The following RHBDD1 variants were observed in gnomAD, a reference collection of about 807,000 sequenced individuals.
The protein encoded by RHBDD1 is rhomboid domain containing 1.
RHBDD1 carries 38 observed loss-of-function variants against 36.3 expected under a neutral mutation model. That is an observed-to-expected ratio of 1.05 (90% CI 0.81 to 1.37). The LOEUF (loss-of-function observed/expected upper bound fraction) is 1.37. Among genes scored for constraint, RHBDD1 ranks in the 40% most tolerant of loss-of-function variants. The pLI is 0.00. For synonymous variants in RHBDD1, 151 were observed against 136.5 expected, an observed-to-expected ratio of 1.11 and a Z score of -0.74; for missense variants, 393 against 377.6, an observed-to-expected ratio of 1.04 and a Z score of -0.34.
At chr2:226,954,623 G>C (rs781375963) in intron 8 of RHBDD1, among the ~76,000 whole-genome samples, 3 of 152,122 alleles carry the variant, frequency 2.0e-5, no homozygotes, top group Non-Finnish European at 4.4e-5. Context: ...GAAAAAGAGA[G>C]AAAGAGACGG....
intron 5 of RHBDD1, among the ~76,000 whole-genome samples, chr2:226,903,048 T>C (rs1055337591): frequency 6.6e-6 from 1 of 152,198 alleles, no homozygotes; most frequent in Non-Finnish European, 1.5e-5. Context: ...TATTATTATA[T>C]TCTTTTCATC....
At chr2:226,975,016 G>A (rs572532280) in intron 8 of RHBDD1, among the ~76,000 whole-genome samples, 2 of 152,276 alleles carry the variant, frequency 1.3e-5, no homozygotes, top group East Asian at 1.9e-4. Context: ...TCCTTGGTAC[G>A]TGGAGAGAAC....
chr2:226,968,038 A>G (rs1213866726), intron 8 of RHBDD1, among the ~76,000 whole-genome samples: 2 of 152,148 alleles, frequency 1.3e-5, no homozygotes, highest in Non-Finnish European at 2.9e-5. Context: ...AGGAGGGTGA[A>G]ACACCCTCTG....
the RHBDD1 span, among the ~76,000 whole-genome samples, chr2:226,810,628 A>G: frequency 2.0e-5 from 3 of 150,862 alleles, no homozygotes; most frequent in Admixed American, 6.6e-5. Flanking sequence ...GTGAAAGTGG[A>G]GCATCCTAAA....
chr2:226,817,951 G>A, the RHBDD1 span, among the ~76,000 whole-genome samples: 3 of 152,128 alleles, frequency 2.0e-5, no homozygotes, highest in East Asian at 1.9e-4. Context: ...GGTCTTTCCT[G>A]TTTGTATTGG....
chr2:226,887,697 A>G (rs1946347482), intron 5 of RHBDD1, among the ~76,000 whole-genome samples: 1 of 152,216 alleles, frequency 6.6e-6, no homozygotes, highest in Non-Finnish European at 1.5e-5. Context: ...GTATTTTAAA[A>G]ACTGTCAGGT....
intron 8 of RHBDD1, among the ~76,000 whole-genome samples, chr2:226,992,856 G>A (rs1958567379): frequency 6.6e-6 from 1 of 152,182 alleles, no homozygotes; most frequent in African/African-American, 2.4e-5. Flanking sequence ...TGCTAGCTCA[G>A]TGACCTCAGA....
chr2:226,802,302 T>C, the RHBDD1 span, among the ~76,000 whole-genome samples: 1 of 152,232 alleles, frequency 6.6e-6, no homozygotes, highest in African/African-American at 2.4e-5. Flanking sequence ...CAAATTATGT[T>C]CAGACCAATG....
Position 226,998,150 on chromosome 2 carries a change from T to C in RHBDD1, c.*2628T>C, listed in dbSNP as rs530828842. On this transcript the variant is annotated 3_prime_UTR_variant, in exon 9 of 9. Coordinates refer to ENST00000392062, the MANE Select transcript of RHBDD1 (RefSeq NM_001167608.3). Reference sequence around the variant, plus strand: ...AAGCGACCTTTTAATGCAGAATCTTTACTTGGTTCTGAAGAGGAGGCAGTA... The same window carrying C: ...AAGCGACCTTTTAATGCAGAATCTTCACTTGGTTCTGAAGAGGAGGCAGTA... 1 of 152,358 alleles carries C rather than the reference T, an allele frequency of 6.6e-6. No homozygotes were observed. The highest frequency in any genetic ancestry group is 2.1e-4 in the South Asian group (1 of 4,828). 9.4% of individuals were successfully genotyped at this position (152,358 alleles called of 1,614,324 possible). A position where few individuals can be genotyped will look rare whatever the true frequency, so the allele number is the denominator to read the frequency against.
chr2:226,904,362 C>T (rs945502476), intron 5 of RHBDD1, among the ~76,000 whole-genome samples: 1 of 142,444 alleles, frequency 7.0e-6, no homozygotes, highest in African/African-American at 2.6e-5. Flanking sequence ...GGGGTTTAAG[C>T]ATGCACGGTC....
chr2:226,975,653 A>T (rs1383172874), intron 8 of RHBDD1, among the ~76,000 whole-genome samples: 1 of 152,188 alleles, frequency 6.6e-6, no homozygotes, highest in African/African-American at 2.4e-5. Flanking sequence ...AGGGAAATAC[A>T]TTTATTTCTA....
rs150678493 is a variant in RHBDD1, at chr2:226,875,406, G to A, written c.566+8088G>A. Among the ~76,000 whole-genome samples, 310 of 152,238 alleles carry A rather than the reference G, an allele frequency of 2.0e-3. 3 individuals carry two copies. Among genetic ancestry groups the A allele is most frequent in the Middle Eastern group, 0.014 (4 of 294 alleles). The stretch of plus-strand genomic sequence containing the variant: ...TGAACAATTCTGAATTAAATCTTTA[G>A]TAAAAGAGAATGTTTATTCCCTCAT... On this transcript the variant is annotated intron_variant, in intron 5 of 8. Transcript: ENST00000392062.
intron 5 of RHBDD1, among the ~76,000 whole-genome samples, chr2:226,876,987 G>A (rs1310726188): frequency 6.6e-6 from 1 of 152,132 alleles, no homozygotes; most frequent in African/African-American, 2.4e-5. Flanking sequence ...TTGCTTCTGT[G>A]TTAACTCCTA....
chr2:226,849,368 T>C (rs1942558759), intron 3 of RHBDD1, among the ~76,000 whole-genome samples: 1 of 152,146 alleles, frequency 6.6e-6, no homozygotes. Context: ...GCAGGAAGCA[T>C]TTGGGAGGTT....
At chr2:226,880,034 G>C (rs911217846) in intron 5 of RHBDD1, among the ~76,000 whole-genome samples, 1 of 152,206 alleles carries the variant, frequency 6.6e-6, no homozygotes, top group Non-Finnish European at 1.5e-5. Flanking sequence ...GCATGTCCAT[G>C]TGTGTATAAA....
At chr2:226,830,782 C>T (rs575785852), upstream of RHBDD1, among the ~76,000 whole-genome samples, 53 of 152,218 alleles carry the variant, frequency 3.5e-4, 2 homozygotes, top group South Asian at 0.011. Flanking sequence ...AAGTGATCCC[C>T]CCGCCTCAGC....
chr2:226,903,722 A>C (rs928977775), intron 5 of RHBDD1, among the ~76,000 whole-genome samples: 1 of 152,200 alleles, frequency 6.6e-6, no homozygotes, highest in Admixed American at 6.5e-5. Context: ...GGAAACCCAC[A>C]GCCCTAAATG....
the RHBDD1 span, chr2:226,810,765 C>T: frequency 6.6e-6 from 1 of 152,028 alleles, no homozygotes; most frequent in African/African-American, 2.4e-5. Flanking sequence ...CCATGCAGTT[C>T]AAACCCCTGT....
intron 7 of RHBDD1, among the ~76,000 whole-genome samples, chr2:226,909,254 A>T (rs909978812): frequency 6.6e-6 from 1 of 152,130 alleles, no homozygotes; most frequent in Non-Finnish European, 1.5e-5. Context: ...TCCTGTGTAT[A>T]TTCAGGAACC....
Sources: gnomAD v4.1 joint callset for allele counts (sites outside exome capture counted in the v4.1 genomes callset) on GRCh38, gnomAD v4.1.1 for gene constraint, MANE v1.5 for transcripts, NCBI Gene and HGNC (gene_info 2026-07-23, HGNC 2026-07-21) for gene names.